AJAP1: variants seen among roughly 807,000 people sequenced by gnomAD.
AJAP1 encodes adherens junctions associated protein 1, also known as adherens junction-associated protein 1.
A neutral mutation model predicts 35.0 loss-of-function variants in AJAP1; 5 were observed. That is an observed-to-expected ratio of 0.14 (90% CI 0.07 to 0.30). The LOEUF (loss-of-function observed/expected upper bound fraction) is 0.30, where lower values mean the gene tolerates loss of function less well. Ranked by LOEUF, AJAP1 falls within the 10% of genes least tolerant of loss-of-function variation. The probability of loss-of-function intolerance (pLI) is 1.00; values close to 1 mark genes in which losing one functional copy is unlikely to be tolerated. For missense variants in AJAP1, 586 were observed against 571.0 expected (o/e 1.03, Z -0.27); for synonymous variants, 284 against 249.3 (o/e 1.14, Z -1.31).
rs141876732 is a variant in AJAP1, at chr1:4,742,377, A to G, written c.830-27476A>G. Reference sequence around the variant, plus strand: ...GGAAATGTCAGGCAAATCAAAATTGAGGGACATTCTACAAAATGACTGGTC... The same window carrying G: ...GGAAATGTCAGGCAAATCAAAATTGGGGGACATTCTACAAAATGACTGGTC... On this transcript the variant is annotated intron_variant, in intron 2 of 5. Coordinates refer to ENST00000378191, the MANE Select transcript of AJAP1 (RefSeq NM_018836.4). 1.4e-3 allele frequency among the ~76,000 whole-genome samples: 208 copies of G among 152,322 alleles called. 2 individuals are homozygous for G. The highest frequency in any genetic ancestry group is 4.5e-3 in the African/African-American group (187 of 41,568).
rs1386089444 is a variant in AJAP1 at position 4,774,525 on chromosome 1, G to A, written c.*26G>A. On this transcript the variant is annotated 3_prime_UTR_variant, in exon 5 of 6. Transcript: ENST00000378191. ...CTGGCCGAAGTCTTTTTTACCTCCT[G>A]GGGGCAGGGCAGACGCCGTGTGTCT... is the stretch of plus-strand genomic sequence containing the variant. The A allele has an allele frequency of 1.2e-6, 2 of 1,607,658 alleles. No homozygotes were observed. The highest frequency in any genetic ancestry group is 2.2e-5 in the South Asian group (2 of 90,950).
chr1:4,668,670 G>A (rs1011221305), intron 1 of AJAP1, among the ~76,000 whole-genome samples: 6 of 152,258 alleles, frequency 3.9e-5, no homozygotes, highest in Non-Finnish European at 7.4e-5. Flanking sequence ...GTCCTGGGAC[G>A]GGGATTCCTG....
rs1489514720 is a variant in AJAP1, at chr1:4,783,791, A to G, written c.*1306A>G. 6.6e-6 allele frequency: 1 copy of G among 151,962 alleles called. No homozygotes were observed. Among genetic ancestry groups the G allele is most frequent in the Non-Finnish European group, 1.5e-5 (1 of 68,014 alleles). The allele number at this position is 151,962 out of a possible 1,614,324, so 9.4% of individuals were successfully genotyped here. A position where few individuals can be genotyped will look rare whatever the true frequency, so the allele number is the denominator to read the frequency against. On this transcript the variant is annotated 3_prime_UTR_variant, in exon 6 of 6. Coordinates refer to ENST00000378191, the MANE Select transcript of AJAP1 (RefSeq NM_018836.4). ...CCAAAAATTAAAGGAATATATCCTT[A>G]TGATGTGTGTGTGTAATATCAGGGC...
At chr1:4,740,649 G>T (rs1641043623) in intron 2 of AJAP1, among the ~76,000 whole-genome samples, 1 of 151,646 alleles carries the variant, frequency 6.6e-6, no homozygotes, top group African/African-American at 2.4e-5. Context: ...AGCCGGGTGT[G>T]GTGGCGGGCG....
intron 2 of AJAP1, among the ~76,000 whole-genome samples, chr1:4,739,531 A>G (rs755852175): frequency 2.0e-5 from 3 of 152,134 alleles, no homozygotes; most frequent in Admixed American, 6.5e-5. Context: ...AGATTCTTAA[A>G]TCAGTTCCCA....
At chr1:4,724,706 G>T (rs1640609264) in intron 2 of AJAP1, among the ~76,000 whole-genome samples, 1 of 148,094 alleles carries the variant, frequency 6.8e-6, no homozygotes, top group Admixed American at 6.6e-5. Context: ...CCAGCACCCT[G>T]CCTGGCCCAC....
intron 2 of AJAP1, among the ~76,000 whole-genome samples, chr1:4,737,735 A>C (rs1028730581): frequency 2.6e-5 from 4 of 152,324 alleles, no homozygotes; most frequent in African/African-American, 9.6e-5. Context: ...TTCTACAAAA[A>C]TAATTATTTA....
At chr1:4,666,083 G>A (rs185591148) in intron 1 of AJAP1, among the ~76,000 whole-genome samples, 5 of 151,626 alleles carry the variant, frequency 3.3e-5, no homozygotes, top group African/African-American at 1.2e-4. Context: ...AGCCCACTGA[G>A]GCTCCTCCGG....
At chr1:4,694,739 G>A (rs1338906451) in intron 1 of AJAP1, among the ~76,000 whole-genome samples, 2 of 152,224 alleles carry the variant, frequency 1.3e-5, no homozygotes, top group Non-Finnish European at 1.5e-5. Flanking sequence ...GAGCAGGTGC[G>A]CAGCTGGGGG....
rs1638937499 is a variant in AJAP1, at chr1:4,658,732, G to T, written c.29+3278G>T. ...AGGAGCTGATGGCAGACTCCTCCCA[G>T]TGTGTCCCTGTTGTTTATTTACTTT... is the stretch of plus-strand genomic sequence containing the variant. On this transcript the variant is annotated intron_variant, in intron 1 of 5. Transcript: ENST00000378191. Among the ~76,000 whole-genome samples, 4 of 152,340 alleles carry T rather than the reference G, an allele frequency of 2.6e-5. No homozygotes were observed. In the Middle Eastern group the frequency reaches 0.01, roughly 389 times the overall value.
At chr1:4,716,565 G>A (rs1025611160) in intron 2 of AJAP1, among the ~76,000 whole-genome samples, 3 of 151,962 alleles carry the variant, frequency 2.0e-5, no homozygotes, top group African/African-American at 4.8e-5. Flanking sequence ...TGAGGATGAT[G>A]ATGATGGAGA....
chr1:4,781,471 C>T (rs561043234), intron 5 of AJAP1, among the ~76,000 whole-genome samples: 40 of 152,218 alleles, frequency 2.6e-4, no homozygotes, highest in Non-Finnish European at 4.6e-4. Flanking sequence ...CCGGTCTGGC[C>T]GCATGCTATG....
intron 1 of AJAP1, among the ~76,000 whole-genome samples, chr1:4,704,264 A>G (rs1388030680): frequency 2.7e-5 from 4 of 148,098 alleles, no homozygotes; most frequent in Non-Finnish European, 6.0e-5. Context: ...CCATTAACTC[A>G]TCATTTAGCA....
At chr1:4,761,895 TG>T (rs1641575480) in intron 2 of AJAP1, among the ~76,000 whole-genome samples, 1 of 152,166 alleles carries the variant, frequency 6.6e-6, no homozygotes, top group African/African-American at 2.4e-5. Flanking sequence ...AGACTGAGGA[TG>T]GGTCTGCCTT....
chr1:4,769,873 A>G lies in AJAP1; in HGVS notation c.850A>G (p.Ile284Val). 1 of 1,613,900 alleles carries G rather than the reference A, an allele frequency of 6.2e-7. No individual in the cohort carries two copies. Among genetic ancestry groups the G allele is most frequent in the Non-Finnish European group, 8.5e-7 (1 of 1,179,940 alleles). ...TCCAGGTCTGGCTGTCCATCAGATCATCACCATCACCGTCTCCCTCATCAT... is the reference window on the plus strand; with the variant it reads ...TCCAGGTCTGGCTGTCCATCAGATCGTCACCATCACCGTCTCCCTCATCAT... Reference protein sequence around the residue: ...EASGLAVHQIITITVSLIMVI... With the variant: ...EASGLAVHQIVTITVSLIMVI... Residue 284 changes from isoleucine (I) to valine (V), a missense_variant, in exon 3 of 6, where the codon ATC becomes GTC. By Grantham distance (29) the Ile-to-Val change is conservative. Coordinates refer to ENST00000378191, the MANE Select transcript of AJAP1 (RefSeq NM_018836.4).
intron 5 of AJAP1, among the ~76,000 whole-genome samples, chr1:4,775,970 C>A (rs562260726): frequency 1.3e-5 from 2 of 152,324 alleles, no homozygotes; most frequent in African/African-American, 2.4e-5. Flanking sequence ...CCTGGTAAAG[C>A]CTCTGTAGGG....
At position 4,792,434 on chromosome 1, in the gene AJAP1, A is replaced by C. The variant is rs1642260781; in HGVS notation, c.*9949A>C. The C allele has an allele frequency of 6.6e-6, 1 of 151,674 alleles. No individual in the cohort carries two copies. The highest frequency in any genetic ancestry group is 6.6e-5 in the Admixed American group (1 of 15,210). The allele number at this position is 151,674 out of a possible 1,614,324, so 9.4% of individuals were successfully genotyped here. A position where few individuals can be genotyped will look rare whatever the true frequency, so the allele number is the denominator to read the frequency against. On this transcript the variant is annotated 3_prime_UTR_variant, in exon 6 of 6. Transcript: ENST00000378191. ...CTGTATTTCAAAGCTATGTATTTGG[A>C]AAACATTGTAAATGAAACACCTATA... is the stretch of plus-strand genomic sequence containing the variant.
At chr1:4,742,777 T>C (rs1016090054) in intron 2 of AJAP1, among the ~76,000 whole-genome samples, 1 of 152,128 alleles carries the variant, frequency 6.6e-6, no homozygotes, top group African/African-American at 2.4e-5. Context: ...CTAGCCCAGG[T>C]AGAAAATGGT....
At chr1:4,711,112 A>G (rs1640222084) in intron 1 of AJAP1, 1 of 152,270 alleles carries the variant, frequency 6.6e-6, no homozygotes, top group African/African-American at 2.4e-5. Flanking sequence ...CAGAACAGAC[A>G]CTTCGCGTCA....
Sources: allele counts gnomAD v4.1 joint callset (sites outside exome capture counted in the v4.1 genomes callset), GRCh38; gene constraint gnomAD v4.1.1; transcripts MANE v1.5; gene names NCBI Gene and HGNC (gene_info 2026-07-23, HGNC 2026-07-21).